The following RNF144B variants were observed in gnomAD, a reference collection of about 807,000 sequenced individuals.
RNF144B encodes ring finger protein 144B.
In RNF144B, 25 loss-of-function variants were observed where a neutral mutation model predicts 40.2. The observed-to-expected ratio is 0.62, with a 90% CI of 0.45 to 0.87. RNF144B has a LOEUF of 0.87. RNF144B is among the 40% of genes least tolerant of loss of function. RNF144B has a pLI of 0.00. For missense variants in RNF144B, 365 were observed against 373.7 expected, an observed-to-expected ratio of 0.98 and a Z score of 0.19; for synonymous variants, 145 against 136.3, an observed-to-expected ratio of 1.06 and a Z score of -0.44.
At chr6:18,387,970 A>G (rs1794496959) in intron 1 of RNF144B, among the ~76,000 whole-genome samples, 3 of 152,278 alleles carry the variant, frequency 2.0e-5, no homozygotes, top group South Asian at 2.1e-4. Flanking sequence ...TATAGTGCTT[A>G]TTTTATCAGG....
intron 4 of RNF144B, among the ~76,000 whole-genome samples, chr6:18,451,222 C>T (rs1389871979): frequency 6.6e-6 from 1 of 152,104 alleles, no homozygotes; most frequent in East Asian, 1.9e-4. Context: ...TACTGTGAAG[C>T]TTCTGAGGAG....
chr6:18,447,043 G>A lies in RNF144B; in HGVS notation c.331+7299G>A, dbSNP rs1759100481. 6.6e-6 allele frequency among the ~76,000 whole-genome samples: 1 copy of A among 152,014 alleles called. No individual in the cohort carries two copies. The highest frequency in any genetic ancestry group is 1.5e-5 in the Non-Finnish European group (1 of 67,994). On this transcript the variant is annotated intron_variant, in intron 4 of 7. Coordinates refer to ENST00000259939, the MANE Select transcript of RNF144B (RefSeq NM_182757.4). This position sits in a 1 kb window ranked among gnomAD's most constrained non-coding sequence, Gnocchi z 5.6. ...AAATCCCTGCCCTAAAGGATCCTGT[G>A]TATGTGCATGTGTGTATGTGGGAGG...
intron 2 of RNF144B, among the ~76,000 whole-genome samples, chr6:18,415,036 C>T (rs947809428): frequency 6.6e-6 from 1 of 152,112 alleles, no homozygotes; most frequent in African/African-American, 2.4e-5. Context: ...CTATGTACAT[C>T]CTCCCATATA....
chr6:18,463,436 G>A lies in RNF144B; in HGVS notation c.771+56G>A, dbSNP rs1759511578. The A allele has an allele frequency of 3.7e-5, 37 of 1,006,072 alleles. 2 individuals carry two copies. The South Asian group carries it at 4.8e-4, about 13-fold the overall frequency. 62.3% of individuals were successfully genotyped at this position (1,006,072 alleles called of 1,614,324 possible). A position where few individuals can be genotyped will look rare whatever the true frequency, so the allele number is the denominator to read the frequency against. ...AACCAAAATCGTGATGGCTTAAAGAGCCCACCTCTTCGCCTTTCCTCATTA... is the reference window on the plus strand; with the variant it reads ...AACCAAAATCGTGATGGCTTAAAGAACCCACCTCTTCGCCTTTCCTCATTA... On this transcript the variant is annotated intron_variant, in intron 7 of 7. Transcript: ENST00000259939.
rs1759098913 is a variant in RNF144B, at chr6:18,446,970, T to C, written c.331+7226T>C. ...ATCCAAATGTCAATAGTGCTGCTGT[T>C]GAGAAATCCTTTCCCAGCTGATGGG... On this transcript the variant is annotated intron_variant, in intron 4 of 7. Transcript: ENST00000259939. This position sits in a 1 kb window ranked among gnomAD's most constrained non-coding sequence, Gnocchi z 4.7. 6.6e-6 allele frequency among the ~76,000 whole-genome samples: 1 copy of C among 152,036 alleles called. No homozygotes were observed. The highest frequency in any genetic ancestry group is 6.6e-5 in the Admixed American group (1 of 15,256).
At position 18,406,231 on chromosome 6, in the gene RNF144B, G is replaced by C; in HGVS notation, c.165+6532G>C. 2.0e-6 allele frequency: 1 copy of C among 503,984 alleles called. No homozygotes were observed. The highest frequency in any genetic ancestry group is 1.4e-5 in the South Asian group (1 of 69,502). 31.2% of individuals were successfully genotyped at this position (503,984 alleles called of 1,614,324 possible). A position where few individuals can be genotyped will look rare whatever the true frequency, so the allele number is the denominator to read the frequency against. ...GTGCTATGGAAAAATAGGGTGAGGG[G>C]GGTCAGGAGTGCTGTGGGGAAGAGG... On this transcript the variant is annotated intron_variant, in intron 2 of 7. Transcript: ENST00000259939. The surrounding 1 kb of genome is among the most constrained non-coding windows in gnomAD (Gnocchi z 4.2).
intron 3 of RNF144B, among the ~76,000 whole-genome samples, chr6:18,428,639 A>G (rs1758621503): frequency 6.6e-6 from 1 of 152,176 alleles, no homozygotes; most frequent in South Asian, 2.1e-4. Flanking sequence ...CATCCCAAGA[A>G]ACAGATGAAA....
intron 1 of RNF144B, among the ~76,000 whole-genome samples, chr6:18,391,761 G>A (rs1338437701): frequency 3.3e-5 from 5 of 151,690 alleles, no homozygotes; most frequent in African/African-American, 4.8e-5. Flanking sequence ...CCAGCTACTC[G>A]GGAGGCTGAG....
chr6:18,444,525 T>G lies in RNF144B; in HGVS notation c.331+4781T>G, dbSNP rs541649222. 6.6e-6 allele frequency among the ~76,000 whole-genome samples: 1 copy of G among 152,298 alleles called. No individual in the cohort carries two copies. The highest frequency in any genetic ancestry group is 1.5e-5 in the Non-Finnish European group (1 of 68,024). On this transcript the variant is annotated intron_variant, in intron 4 of 7. Coordinates refer to ENST00000259939, the MANE Select transcript of RNF144B (RefSeq NM_182757.4). The surrounding 1 kb of genome is among the most constrained non-coding windows in gnomAD (Gnocchi z 4.3). ...TGAGTTCTTACGCACTTTTCCTTTT[T>G]TTGTGACCCTGTTTGACTTTCTGTA...
Position 18,457,086 on chromosome 6 carries a change from C to G in RNF144B, c.332-69C>G. ...CAAATAAATTAAATAAATAAGAGGG[C>G]AAATGAAGGTGAGAAAGACTCAAAC... On this transcript the variant is annotated intron_variant, in intron 4 of 7. Transcript: ENST00000259939. This position sits in a 1 kb window ranked among gnomAD's most constrained non-coding sequence, Gnocchi z 5.1. 8.5e-7 allele frequency: 1 copy of G among 1,172,048 alleles called. No individual in the cohort carries two copies. The highest frequency in any genetic ancestry group is 1.3e-6 in the Non-Finnish European group (1 of 778,584). 72.6% of individuals were successfully genotyped at this position (1,172,048 alleles called of 1,614,324 possible).
intron 1 of RNF144B, 125 bp from the exon 2 acceptor site, chr6:18,399,374 A>G (rs1412099492): frequency 5.9e-6 from 4 of 672,296 alleles, no homozygotes; most frequent in African/African-American, 5.4e-5. Context: ...GTTCCCAGAA[A>G]TGCATTAGCT....
In RNF144B at chr6:18,459,812, T is replaced by C. The variant is rs1397856302; in HGVS notation, c.681+61T>C. ...TATACTGTATCTGCACCACAGCTGA[T>C]ATCCTACAGATTTTCCTTTAAAATA... On this transcript the variant is annotated intron_variant, in intron 6 of 7. Coordinates refer to ENST00000259939, the MANE Select transcript of RNF144B (RefSeq NM_182757.4). This position sits in a 1 kb window ranked among gnomAD's most constrained non-coding sequence, Gnocchi z 4.2. 38 of 1,454,280 alleles carry C rather than the reference T, an allele frequency of 2.6e-5. No individual in the cohort carries two copies. In the Admixed American group the frequency reaches 7.8e-4, roughly 30 times the overall value. 90.1% of individuals were successfully genotyped at this position (1,454,280 alleles called of 1,614,324 possible).
rs1582421162 is a variant in RNF144B, at chr6:18,425,940, G to T, written c.166-1641G>T. On this transcript the variant is annotated intron_variant, in intron 2 of 7. Coordinates refer to ENST00000259939, the MANE Select transcript of RNF144B (RefSeq NM_182757.4). This position sits in a 1 kb window ranked among gnomAD's most constrained non-coding sequence, Gnocchi z 4.2. ...TAACTATTTGAAGAGATACAAGTCT[G>T]GTTTAAATGGTTTGCCCTAGTCATT... Among the ~76,000 whole-genome samples, 2 of 152,236 alleles carry T rather than the reference G, an allele frequency of 1.3e-5. No individual in the cohort carries two copies. Among genetic ancestry groups the T allele is most frequent in the Admixed American group, 1.3e-4 (2 of 15,286 alleles).
intron 3 of RNF144B, among the ~76,000 whole-genome samples, chr6:18,439,272 C>T (rs1375039719): frequency 2.6e-5 from 4 of 152,114 alleles, no homozygotes; most frequent in Admixed American, 1.3e-4. Flanking sequence ...TGCTGTCTAC[C>T]TGACTTTAGT....
At chr6:18,415,037 C>T (rs1243163022) in intron 2 of RNF144B, among the ~76,000 whole-genome samples, 1 of 152,116 alleles carries the variant, frequency 6.6e-6, no homozygotes, top group Non-Finnish European at 1.5e-5. Flanking sequence ...TATGTACATC[C>T]TCCCATATAC....
chr6:18,440,631 C>T (rs899078800), intron 4 of RNF144B, among the ~76,000 whole-genome samples: 4 of 151,448 alleles, frequency 2.6e-5, no homozygotes, highest in Non-Finnish European at 4.4e-5. Context: ...ATTTTTACAA[C>T]TACCCTGAAA....
rs138220853 is a variant in RNF144B at position 18,400,615 on chromosome 6, G to T, written c.165+916G>T. On this transcript the variant is annotated intron_variant, in intron 2 of 7. Coordinates refer to ENST00000259939, the MANE Select transcript of RNF144B (RefSeq NM_182757.4). The surrounding 1 kb of genome is among the most constrained non-coding windows in gnomAD (Gnocchi z 5.6). The stretch of plus-strand genomic sequence containing the variant: ...AAGGTTGGTCGGTTAAGGTATAAAG[G>T]TAGGAAATAGATTGAGTTCCTGTAG... 6.6e-6 allele frequency among the ~76,000 whole-genome samples: 1 copy of T among 152,132 alleles called. No homozygotes were observed. Among genetic ancestry groups the T allele is most frequent in the Non-Finnish European group, 1.5e-5 (1 of 68,030 alleles).
In RNF144B at chr6:18,446,855, G is replaced by GTGTGTGTGTGTGTGTC. The variant is rs1368007224; in HGVS notation, c.331+7126_331+7127insCTGTGTGTGTGTGTGT. Among the ~76,000 whole-genome samples the GTGTGTGTGTGTGTGTC allele has an allele frequency of 6.7e-6, 1 of 148,208 alleles. No individual in the cohort carries two copies. Among genetic ancestry groups the GTGTGTGTGTGTGTGTC allele is most frequent in the African/African-American group, 2.4e-5 (1 of 41,048 alleles). On this transcript the variant is annotated intron_variant, in intron 4 of 7. Coordinates refer to ENST00000259939, the MANE Select transcript of RNF144B (RefSeq NM_182757.4). This position sits in a 1 kb window ranked among gnomAD's most constrained non-coding sequence, Gnocchi z 4.7. ...TCTATTTTAGGGTGTGTGTGTGTGT[G>GTGTGTGTGTGTGTGTC]TGTGTGTGTGTGTGTGTGTCTGTGT... is the stretch of plus-strand genomic sequence containing the variant.
chr6:18,392,067 G>A (rs896574388), intron 1 of RNF144B, among the ~76,000 whole-genome samples: 3 of 134,726 alleles, frequency 2.2e-5, no homozygotes, highest in African/African-American at 7.8e-5. Context: ...AAAAAATTAG[G>A]TGTGGTGGCA....
Sources: allele counts gnomAD v4.1 joint callset (sites outside exome capture counted in the v4.1 genomes callset), GRCh38; gene constraint gnomAD v4.1.1; non-coding constraint Gnocchi (gnomAD v3.1); transcripts MANE v1.5; gene names NCBI Gene and HGNC (gene_info 2026-07-23, HGNC 2026-07-21).